HPS4: variants seen among roughly 807,000 people sequenced by gnomAD.
HPS4 encodes the protein BLOC-3 complex member HPS4.
Under a neutral mutation model 70.3 loss-of-function variants are expected in HPS4, and 44 were observed. The observed-to-expected ratio is 0.63, with a 90% CI of 0.49 to 0.80. HPS4 has a LOEUF of 0.80. Ranked by LOEUF, HPS4 falls within the 30% of genes least tolerant of loss-of-function variation. The probability of loss-of-function intolerance (pLI) is 0.00; values close to 1 mark genes in which losing one functional copy is unlikely to be tolerated. For missense variants in HPS4, 873 were observed against 884.4 expected, an observed-to-expected ratio of 0.99 and a Z score of 0.16; for synonymous variants, 377 against 355.9, an observed-to-expected ratio of 1.06 and a Z score of -0.67.
chr22:26,467,487 T>C (rs1293074181), intron 8 of HPS4: 1 of 152,252 alleles, frequency 6.6e-6, no homozygotes, highest in African/African-American at 2.4e-5. Flanking sequence ...TTTTCAGCAG[T>C]TACATTATTT....
intron 3 of HPS4, 104 bp downstream of exon 3, chr22:26,479,161 T>C (rs1052823559): frequency 4.9e-5 from 53 of 1,075,776 alleles, no homozygotes; most frequent in Non-Finnish European, 7.1e-6. Context: ...AATGTCATTG[T>C]CTGGATTAGC....
chr22:26,468,612 G>A lies in HPS4; in HGVS notation c.608C>T (p.Thr203Ile), dbSNP rs886057319. The A allele has an allele frequency of 6.2e-7, 1 of 1,614,052 alleles. No individual in the cohort carries two copies. Among genetic ancestry groups the A allele is most frequent in the Non-Finnish European group, 8.5e-7 (1 of 1,179,956 alleles). The change falls in exon 8 of 14, where the codon ACC becomes ATC. Residue 203 changes from threonine to isoleucine, a missense_variant. By Grantham distance (89) the Thr-to-Ile change is moderately conservative (BLOSUM62 -1). Transcript: ENST00000398145. ...CILYKGLIVS[T>I]QLPPSLTAKV... is the part of the protein sequence containing the mutation. ...GGCGGTGAGGGAGGGCGGGAGTTGGGTGCTGACAATCCTAGGAGGTCACAC... is the reference window on the plus strand; with the variant it reads ...GGCGGTGAGGGAGGGCGGGAGTTGGATGCTGACAATCCTAGGAGGTCACAC...
Position 26,458,722 on chromosome 22 carries a change from C to T in HPS4, c.1714-145G>A, listed in dbSNP as rs1319124473. On this transcript the variant is annotated intron_variant, in intron 11 of 13. Transcript: ENST00000398145. Reference sequence around the variant, plus strand: ...CTGTAATCCCAGTGCTTTGTGAGACCGAGGCAGGAGGATCACTTAAGCCAG... The same window carrying T: ...CTGTAATCCCAGTGCTTTGTGAGACTGAGGCAGGAGGATCACTTAAGCCAG... 1.6e-5 allele frequency: 14 copies of T among 889,436 alleles called. No individual in the cohort carries two copies. The Admixed American group carries it at 2.2e-4, about 14-fold the overall frequency. 55.1% of individuals were successfully genotyped at this position (889,436 alleles called of 1,614,324 possible).
In HPS4 at chr22:26,451,948, CTG is replaced by C. The variant is rs1429530826; in HGVS notation, c.*1283_*1284del. On this transcript the variant is annotated 3_prime_UTR_variant, in exon 14 of 14. Transcript: ENST00000398145. ...AACAGACGGTCCTTACCCAGCCACA[CTG>C]AACCCAGGGAAGGAAAAGAGGGATG... The C allele has an allele frequency of 5.2e-6, 1 of 190,870 alleles. No individual in the cohort carries two copies. Among genetic ancestry groups the C allele is most frequent in the Non-Finnish European group, 1.1e-5 (1 of 92,870 alleles). The allele number at this position is 190,870 out of a possible 1,614,324, so 11.8% of individuals were successfully genotyped here.
Position 26,458,717 on chromosome 22 carries a change from G to C in HPS4, c.1714-140C>G, listed in dbSNP as rs563638059. The C allele has an allele frequency of 4.0e-5, 36 of 908,602 alleles. No individual in the cohort carries two copies. In the South Asian group the frequency reaches 5.2e-4, roughly 13 times the overall value. 56.3% of individuals were successfully genotyped at this position (908,602 alleles called of 1,614,324 possible). A position where few individuals can be genotyped will look rare whatever the true frequency, so the allele number is the denominator to read the frequency against. On this transcript the variant is annotated intron_variant, in intron 11 of 13. Coordinates refer to ENST00000398145, the MANE Select transcript of HPS4 (RefSeq NM_022081.6). ...CACACCTGTAATCCCAGTGCTTTGT[G>C]AGACCGAGGCAGGAGGATCACTTAA...
intron 12 of HPS4, 136 bp downstream of exon 12, chr22:26,458,309 G>A (rs2146369604): frequency 9.2e-7 from 1 of 1,084,220 alleles, no homozygotes; most frequent in Non-Finnish European, 1.4e-6. Flanking sequence ...GGCTCCCGGT[G>A]AGAAGAGAGC....
At position 26,452,278 on chromosome 22, in the gene HPS4, T is replaced by A. The variant is rs983479129; in HGVS notation, c.*955A>T. On this transcript the variant is annotated 3_prime_UTR_variant, in exon 14 of 14. Transcript: ENST00000398145. Reference sequence around the variant, plus strand: ...GTTAAGATTTTGACAAATATTTTCATCCTGCAGTCTGTCTCATACTGTCAA... The same window carrying A: ...GTTAAGATTTTGACAAATATTTTCAACCTGCAGTCTGTCTCATACTGTCAA... 4.5e-6 allele frequency: 2 copies of A among 440,578 alleles called. No homozygotes were observed. 27.3% of individuals were successfully genotyped at this position (440,578 alleles called of 1,614,324 possible).
intron 10 of HPS4, among the ~76,000 whole-genome samples, chr22:26,465,144 T>C (rs1242458176): frequency 6.6e-6 from 1 of 152,198 alleles, no homozygotes; most frequent in African/African-American, 2.4e-5. Context: ...AGTGTCACAA[T>C]GAACTCATGA....
At position 26,470,136 on chromosome 22, in the gene HPS4, C is replaced by A. The variant is rs149672955; in HGVS notation, c.596+583G>T. On this transcript the variant is annotated intron_variant, in intron 7 of 13. Transcript: ENST00000398145. ...CCTGCCCTGGGCTGTGACAGCAAAC[C>A]CTCCATGAGGAGAGAGGCCTTAGAT... 1.4e-3 allele frequency among the ~76,000 whole-genome samples: 219 copies of A among 152,358 alleles called. 2 individuals are homozygous for A. Among genetic ancestry groups the A allele is most frequent in the African/African-American group, 4.8e-3 (199 of 41,584 alleles).
Position 26,452,593 on chromosome 22 carries a change from A to G in HPS4, c.*640T>C, listed in dbSNP as rs912304266. 3 of 316,280 alleles carry G rather than the reference A, an allele frequency of 9.5e-6. No individual in the cohort carries two copies. The highest frequency in any genetic ancestry group is 8.3e-5 in the East Asian group (1 of 12,088). 19.6% of individuals were successfully genotyped at this position (316,280 alleles called of 1,614,324 possible). The stretch of plus-strand genomic sequence containing the variant: ...ATCTCTAAAGCCCAAACTCCCTTCC[A>G]TATTATTAAGGCTTGCCCCCATTGT... On this transcript the variant is annotated 3_prime_UTR_variant, in exon 14 of 14. Coordinates refer to ENST00000398145, the MANE Select transcript of HPS4 (RefSeq NM_022081.6).
chr22:26,478,801 A>G (rs552480470), intron 3 of HPS4, among the ~76,000 whole-genome samples: 13 of 152,058 alleles, frequency 8.5e-5, no homozygotes, highest in African/African-American at 3.1e-4. Flanking sequence ...CTCGTGCCTC[A>G]GCCTCCCAAG....
intron 8 of HPS4, chr22:26,468,192 C>T (rs920163873): frequency 7.5e-6 from 2 of 267,462 alleles, no homozygotes; most frequent in South Asian, 5.8e-5. Flanking sequence ...TGTGAACCAC[C>T]GTGCCCAACC....
chr22:26,479,444 G>T, intron 2 of HPS4, 89 bp from the exon 3 acceptor site: 1 of 1,558,852 alleles, frequency 6.4e-7, no homozygotes, highest in South Asian at 1.2e-5. Flanking sequence ...AGCCCGAGGA[G>T]GGCTTATTAC....
intron 3 of HPS4, 82 bp from the exon 4 acceptor site, chr22:26,477,218 C>A: frequency 1.4e-6 from 2 of 1,452,484 alleles, no homozygotes. Context: ...CTAAAGCCTG[C>A]AAGCCAAATC....
At chr22:26,474,514 C>T (rs1419510058) in intron 4 of HPS4, among the ~76,000 whole-genome samples, 1 of 151,880 alleles carries the variant, frequency 6.6e-6, no homozygotes, top group Admixed American at 6.6e-5. Context: ...CTATCTCCTC[C>T]AATGGAGTAG....
At chr22:26,482,962 T>G (rs931886002) in intron 1 of HPS4, 3 of 152,268 alleles carry the variant, frequency 2.0e-5, no homozygotes, top group Admixed American at 6.5e-5. Context: ...TACTGTCACT[T>G]TCTCCAAGCT....
intron 8 of HPS4, chr22:26,467,603 C>G (rs1413949033): frequency 6.6e-6 from 1 of 152,216 alleles, no homozygotes; most frequent in Non-Finnish European, 1.5e-5. Flanking sequence ...TGAATTGACA[C>G]CCATAGCCAC....
At chr22:26,481,074 C>T (rs2091237060) in intron 2 of HPS4, among the ~76,000 whole-genome samples, 1 of 152,100 alleles carries the variant, frequency 6.6e-6, no homozygotes. Flanking sequence ...TCCATGTGCA[C>T]CCCATCCTCC....
At chr22:26,450,448 T>G (rs963478889), downstream of HPS4, among the ~76,000 whole-genome samples, 1 of 152,210 alleles carries the variant, frequency 6.6e-6, no homozygotes, top group Non-Finnish European at 1.5e-5. Flanking sequence ...TGGGCTCCAC[T>G]TGCTACCACC....
Sources: allele counts gnomAD v4.1 joint callset (sites outside exome capture counted in the v4.1 genomes callset), GRCh38; gene constraint gnomAD v4.1.1; transcripts MANE v1.5; gene names NCBI Gene and HGNC (gene_info 2026-07-23, HGNC 2026-07-21).